SLC44A3: variants seen among roughly 807,000 people sequenced by gnomAD.
The protein encoded by SLC44A3 is solute carrier family 44 member 3.
Under a neutral mutation model 75.4 loss-of-function variants are expected in SLC44A3, and 74 were observed. The ratio of observed to expected loss-of-function variants is 0.98; its 90% CI spans 0.81 to 1.19. SLC44A3 has a LOEUF of 1.19. Ranked by LOEUF, SLC44A3 falls within the 50% of genes most tolerant of loss-of-function variation. The pLI is 0.00. For synonymous variants in SLC44A3, 310 were observed against 296.9 expected, an observed-to-expected ratio of 1.04 and a Z score of -0.45; for missense variants, 700 against 778.6, an observed-to-expected ratio of 0.90 and a Z score of 1.20.
chr1:94,829,641 C>T (rs1661858542), intron 5 of SLC44A3, among the ~76,000 whole-genome samples: 2 of 152,142 alleles, frequency 1.3e-5, no homozygotes, highest in Admixed American at 1.3e-4. Context: ...TGTTTATTGC[C>T]ACCATTATGA....
At chr1:94,876,694 T>G (rs916855536) in intron 12 of SLC44A3, among the ~76,000 whole-genome samples, 1 of 152,218 alleles carries the variant, frequency 6.6e-6, no homozygotes, top group African/African-American at 2.4e-5. Flanking sequence ...GAGTCTCATC[T>G]TTGAATGACT....
rs1240532639 is a variant in SLC44A3, at chr1:94,864,819, G to A, written c.1315G>A (p.Val439Met). ...ILFFYHQGTV[V>M]KGSFLISVVR... ...CTTCTTCTACCATCAAGGAACCGTTGTGAAAGGGTCATTTTTAATCTCTGT... is the reference window on the plus strand; with the variant it reads ...CTTCTTCTACCATCAAGGAACCGTTATGAAAGGGTCATTTTTAATCTCTGT... The change falls in exon 11 of 15, where the codon GTG becomes ATG. Residue 439 changes from valine to methionine, a missense_variant. Physicochemically the swap from Val to Met is conservative, Grantham distance 21. Coordinates refer to ENST00000271227, the MANE Select transcript of SLC44A3 (RefSeq NM_001114106.3). 2 of 1,613,962 alleles carry A rather than the reference G, an allele frequency of 1.2e-6. No homozygotes were observed. The highest frequency in any genetic ancestry group is 1.3e-5 in the African/African-American group (1 of 75,028).
intron 14 of SLC44A3, among the ~76,000 whole-genome samples, chr1:94,893,039 C>T (rs754963375): frequency 1.3e-5 from 2 of 152,180 alleles, no homozygotes; most frequent in African/African-American, 2.4e-5. Context: ...AAAGCCACAC[C>T]CTCAGCGGAG....
chr1:94,859,066 G>T (rs988660272), intron 10 of SLC44A3, among the ~76,000 whole-genome samples: 6 of 152,138 alleles, frequency 3.9e-5, no homozygotes, highest in African/African-American at 1.2e-4. Flanking sequence ...TCACAGAGGG[G>T]CTGTTGCCCT....
chr1:94,838,240 G>A lies in SLC44A3; in HGVS notation c.670+369G>A, dbSNP rs116667538. On this transcript the variant is annotated intron_variant, in intron 6 of 14. Coordinates refer to ENST00000271227, the MANE Select transcript of SLC44A3 (RefSeq NM_001114106.3). Reference sequence around the variant, plus strand: ...GCCAAACATGCCTCCACCTGTAGGTGGATCAGAAAGCAGATCAGAAAGCTG... The same window carrying A: ...GCCAAACATGCCTCCACCTGTAGGTAGATCAGAAAGCAGATCAGAAAGCTG... Among the ~76,000 whole-genome samples, 1,353 of 152,312 alleles carry A rather than the reference G, an allele frequency of 8.9e-3. 24 individuals carry two copies. Among genetic ancestry groups the A allele is most frequent in the African/African-American group, 0.031 (1,305 of 41,574 alleles).
At position 94,889,524 on chromosome 1, in the gene SLC44A3, T is replaced by TCACACACA. The variant is rs57397808; in HGVS notation, c.1483-1583_1483-1576dup. On this transcript the variant is annotated intron_variant, in intron 12 of 14. Coordinates refer to ENST00000271227, the MANE Select transcript of SLC44A3 (RefSeq NM_001114106.3). ...GAGAAATCGTCTCATGTGAACATAA[T>TCACACACA]CACACACACACACACACACACACAC... Among the ~76,000 whole-genome samples the TCACACACA allele has an allele frequency of 4.3e-3, 483 of 111,728 alleles. 5 individuals are homozygous for TCACACACA. The highest frequency in any genetic ancestry group is 0.012 in the African/African-American group (443 of 37,724). The allele number at this position is 111,728 out of a possible 152,430, so 73.3% of individuals were successfully genotyped here.
At chr1:94,885,255 GAAT>G (rs1341471553) in intron 12 of SLC44A3, among the ~76,000 whole-genome samples, 2 of 145,012 alleles carry the variant, frequency 1.4e-5, no homozygotes, top group African/African-American at 2.6e-5. Flanking sequence ...AGGCAGCAGG[GAAT>G]AATACCACCC....
chr1:94,875,705 T>A lies in SLC44A3; in HGVS notation c.1482+8288T>A, dbSNP rs1294901739. ...GGGAAGTTTGGGGTCTCACCTTTTA[T>A]TAATGGTAGCAAGGGCAACTGGGAC... On this transcript the variant is annotated intron_variant, in intron 12 of 14. Transcript: ENST00000271227. Among the ~76,000 whole-genome samples the A allele has an allele frequency of 2.0e-5, 3 of 152,152 alleles. No homozygotes were observed. In the East Asian group the frequency reaches 5.8e-4, roughly 29 times the overall value.
chr1:94,860,381 T>A (rs1275497718), intron 10 of SLC44A3, among the ~76,000 whole-genome samples: 1 of 151,826 alleles, frequency 6.6e-6, no homozygotes, highest in Non-Finnish European at 1.5e-5. Context: ...AGAGAAAGGA[T>A]TAAAAGAGGA....
chr1:94,830,649 G>A (rs1662002152), intron 5 of SLC44A3, among the ~76,000 whole-genome samples: 1 of 152,134 alleles, frequency 6.6e-6, no homozygotes, highest in Admixed American at 6.5e-5. Flanking sequence ...GAATGTTTTA[G>A]TAATAGGTGG....
intron 14 of SLC44A3, 93 bp from the exon 15 acceptor site, chr1:94,894,725 G>T (rs186231336): frequency 5.0e-6 from 5 of 1,005,696 alleles, no homozygotes; most frequent in Non-Finnish European, 7.5e-6. Context: ...TCAGCAAACC[G>T]TCAGAGGGCA....
chr1:94,880,266 A>T (rs1017658135), intron 12 of SLC44A3, among the ~76,000 whole-genome samples: 5 of 152,370 alleles, frequency 3.3e-5, no homozygotes, highest in Admixed American at 3.3e-4. Context: ...AGGTGGAAGC[A>T]GCCCAAGTGC....
chr1:94,825,195 G>C (rs1004013903), intron 3 of SLC44A3, among the ~76,000 whole-genome samples: 6 of 152,236 alleles, frequency 3.9e-5, no homozygotes, highest in Admixed American at 3.9e-4. Context: ...ACAGAAAGGG[G>C]AGAGAAGAGA....
chr1:94,850,949 G>A (rs546585792), intron 9 of SLC44A3, among the ~76,000 whole-genome samples: 1 of 152,110 alleles, frequency 6.6e-6, no homozygotes, highest in Non-Finnish European at 1.5e-5. Context: ...CTTGTTCTAG[G>A]AAAAGAGTAA....
chr1:94,820,770 A>C (rs932381717), intron 1 of SLC44A3, 179 bp from the exon 2 acceptor site: 8 of 1,401,678 alleles, frequency 5.7e-6, no homozygotes, highest in African/African-American at 2.9e-5. Context: ...CGCGCAGAGC[A>C]GGTGTTTCAA....
At chr1:94,876,936 G>C (rs74383568) in intron 12 of SLC44A3, among the ~76,000 whole-genome samples, 2 of 151,928 alleles carry the variant, frequency 1.3e-5, no homozygotes, top group Non-Finnish European at 2.9e-5. Context: ...TGGCCACTCA[G>C]GCCCTGCTTG....
chr1:94,830,761 A>G (rs906237756), intron 5 of SLC44A3, among the ~76,000 whole-genome samples: 7 of 152,192 alleles, frequency 4.6e-5, no homozygotes, highest in African/African-American at 1.7e-4. Context: ...TGGAATTTTT[A>G]AGGTTGTAAT....
intron 9 of SLC44A3, among the ~76,000 whole-genome samples, chr1:94,848,272 A>G (rs1197484957): frequency 6.6e-6 from 1 of 151,140 alleles, no homozygotes; most frequent in African/African-American, 2.4e-5. Flanking sequence ...CTCAGAATGA[A>G]GCTGTATCAG....
chr1:94,823,556 A>G (rs768118896), intron 2 of SLC44A3, among the ~76,000 whole-genome samples: 9 of 152,220 alleles, frequency 5.9e-5, no homozygotes, highest in Non-Finnish European at 7.3e-5. Context: ...GAAAGTCTCA[A>G]GAACACACTG....
Sources: allele counts gnomAD v4.1 joint callset (sites outside exome capture counted in the v4.1 genomes callset), GRCh38; gene constraint gnomAD v4.1.1; transcripts MANE v1.5; gene names NCBI Gene and HGNC (gene_info 2026-07-23, HGNC 2026-07-21).